DOCK5: variants seen among roughly 807,000 people sequenced by gnomAD.
DOCK5 encodes the protein dedicator of cytokinesis 5, also known as dedicator of cytokinesis protein 5.
Under a neutral mutation model 251.8 loss-of-function variants are expected in DOCK5, and 142 were observed. That is an observed-to-expected ratio of 0.56 (90% CI 0.49 to 0.65). The LOEUF is 0.65. Ranked by LOEUF, DOCK5 falls within the 30% of genes least tolerant of loss-of-function variation. DOCK5 has a pLI of 0.00. For missense variants in DOCK5, 2,111 were observed against 2,312.3 expected (o/e 0.91, Z 1.79); for synonymous variants, 842 against 835.5 (o/e 1.01, Z -0.13).
chr8:25,383,504 C>G (rs1441265682), intron 40 of DOCK5, among the ~76,000 whole-genome samples: 1 of 152,194 alleles, frequency 6.6e-6, no homozygotes, highest in Non-Finnish European at 1.5e-5. Flanking sequence ...TCCCTACTCT[C>G]ATGGATTTTA....
At chr8:25,323,418 A>G (rs1292796853) in intron 16 of DOCK5, among the ~76,000 whole-genome samples, 1 of 152,174 alleles carries the variant, frequency 6.6e-6, no homozygotes, top group Non-Finnish European at 1.5e-5. Context: ...AACATAGAGA[A>G]TGTGTTTGGT....
rs139621203 is a variant in DOCK5, at chr8:25,310,461, A to G, written c.1247A>G (p.Asn416Ser). The G allele has an allele frequency of 5.6e-6, 9 of 1,613,676 alleles. No individual in the cohort carries two copies. The African/African-American group carries it at 9.3e-5, about 17-fold the overall frequency. ...GGTGACCTCACCCAGGTTCAGAAGAATTTTTCACACTTGGTTGATAGATCA... is the reference window on the plus strand; with the variant it reads ...GGTGACCTCACCCAGGTTCAGAAGAGTTTTTCACACTTGGTTGATAGATCA... ...LPGDLTQVQK[N>S]FSHLVDRSTA... is the part of the protein sequence containing the mutation. The change falls in exon 13 of 52, where the codon AAT (asparagine) becomes AGT (serine). Residue 416 changes from asparagine to serine, a missense_variant. Transcript: ENST00000276440.
Position 25,380,252 on chromosome 8 carries a change from A to C in DOCK5, c.3937-53A>C, listed in dbSNP as rs552748512. The C allele has an allele frequency of 3.3e-6, 5 of 1,530,836 alleles. No homozygotes were observed. The East Asian group carries it at 1.2e-4, about 37-fold the overall frequency. 94.8% of individuals were successfully genotyped at this position (1,530,836 alleles called of 1,614,324 possible). On this transcript the variant is annotated intron_variant, in intron 38 of 51. Coordinates refer to ENST00000276440, the MANE Select transcript of DOCK5 (RefSeq NM_024940.8). ...GACTCGCCAGTGGCTTTTGCCACTG[A>C]ATCAATGACTGCCTTGTTCTCCACT...
At chr8:25,324,623 C>T in intron 17 of DOCK5, among the ~76,000 whole-genome samples, 1 of 152,194 alleles carries the variant, frequency 6.6e-6, no homozygotes, top group East Asian at 1.9e-4. Context: ...CTTCTTCCAT[C>T]AACCCAATAA....
intron 1 of DOCK5, among the ~76,000 whole-genome samples, chr8:25,213,128 T>G (rs1802143766): frequency 6.7e-6 from 1 of 150,170 alleles, no homozygotes; most frequent in African/African-American, 2.4e-5. Context: ...GATGGAAAGT[T>G]AAACCTTGGG....
chr8:25,302,727 C>A (rs1279122039), intron 10 of DOCK5, among the ~76,000 whole-genome samples: 1 of 152,182 alleles, frequency 6.6e-6, no homozygotes, highest in African/African-American at 2.4e-5. Context: ...TAATACTCGC[C>A]TTAAACAGGA....
chr8:25,332,466 G>A (rs568713278), intron 19 of DOCK5, 118 bp downstream of exon 19: 12 of 1,192,316 alleles, frequency 1.0e-5, no homozygotes, highest in East Asian at 7.7e-5. Context: ...TAAAATCTAC[G>A]TTGTTAAACA....
At chr8:25,210,038 G>A (rs6996039) in intron 1 of DOCK5, among the ~76,000 whole-genome samples, 5,468 of 8,170 alleles carry the variant, frequency 0.67, 1,943 homozygotes, top group Non-Finnish European at 0.72. Flanking sequence ...ATATATAAAT[G>A]TGTGTGTGTG....
chr8:25,408,938 T>G lies in DOCK5; in HGVS notation c.5402T>G (p.Leu1801Arg), dbSNP rs1273132181. The G allele has an allele frequency of 9.3e-6, 15 of 1,613,856 alleles. No individual in the cohort carries two copies. The highest frequency in any genetic ancestry group is 1.3e-5 in the Non-Finnish European group (15 of 1,179,880). ...PPLTPKATRT[L>R]SSPSLQTDGI... ...CTCACTCCCAAAGCCACCAGGACCCTAAGTAAGTTTTCCTGTATTCCTTAT... is the reference window on the plus strand; with the variant it reads ...CTCACTCCCAAAGCCACCAGGACCCGAAGTAAGTTTTCCTGTATTCCTTAT... The change falls in exon 50 of 52, where the codon CTA (leucine) becomes CGA (arginine). Residue 1801 changes from leucine to arginine, a missense_variant and splice_region_variant. This residue lies in a region of DOCK5 where 1,717 missense variants were observed against 1,892.4 expected (regional missense o/e 0.91). Transcript: ENST00000276440.
chr8:25,373,583 T>C (rs745600895), intron 35 of DOCK5, 35 bp from the exon 36 acceptor site: 4 of 1,560,970 alleles, frequency 2.6e-6, no homozygotes, highest in Non-Finnish European at 3.5e-6. Flanking sequence ...TCTTGATTTA[T>C]GTTGGGATTC....
intron 5 of DOCK5, among the ~76,000 whole-genome samples, chr8:25,283,627 T>G (rs576482274): frequency 0.017 from 1,334 of 76,622 alleles, 13 homozygotes; most frequent in African/African-American, 0.037. Flanking sequence ...GCATAGCTTC[T>G]CTCTTACCCG....
At position 25,368,565 on chromosome 8, in the gene DOCK5, T is replaced by C; in HGVS notation, c.3284-6T>C. The C allele has an allele frequency of 1.9e-6, 3 of 1,590,208 alleles. No homozygotes were observed. The highest frequency in any genetic ancestry group is 2.6e-6 in the Non-Finnish European group (3 of 1,169,302). On this transcript the variant is annotated splice_polypyrimidine_tract_variant and splice_region_variant and intron_variant, in intron 32 of 51. Coordinates refer to ENST00000276440, the MANE Select transcript of DOCK5 (RefSeq NM_024940.8). ...TTTTTAATATCTTCATTCACTTTCATTTCAGGTCCCCACAAAATCAAATTC... is the reference window on the plus strand; with the variant it reads ...TTTTTAATATCTTCATTCACTTTCACTTCAGGTCCCCACAAAATCAAATTC...
chr8:25,262,445 C>A (rs1237845438), intron 2 of DOCK5, among the ~76,000 whole-genome samples: 1 of 152,174 alleles, frequency 6.6e-6, no homozygotes, highest in Non-Finnish European at 1.5e-5. Flanking sequence ...CCATGCCACC[C>A]TGAGCACTTG....
chr8:25,334,276 C>T (rs149588371), intron 21 of DOCK5, 80 bp downstream of exon 21: 134 of 1,164,390 alleles, frequency 1.2e-4, no homozygotes, highest in South Asian at 2.5e-4. Flanking sequence ...AGAAACGAGA[C>T]GGACCTATTA....
At chr8:25,408,287 G>T in intron 49 of DOCK5, 133 bp downstream of exon 49, 1 of 963,386 alleles carries the variant, frequency 1.0e-6, no homozygotes, top group South Asian at 1.8e-5. Flanking sequence ...GCCTGGGTTA[G>T]TGTCAGGTCG....
chr8:25,299,231 T>A, intron 8 of DOCK5, 130 bp downstream of exon 8: 1 of 1,108,026 alleles, frequency 9.0e-7, no homozygotes, highest in Non-Finnish European at 1.3e-6. Flanking sequence ...TTCTAAGCAG[T>A]AGAATGTAAA....
chr8:25,311,877 G>A lies in DOCK5; in HGVS notation c.1318+1345G>A, dbSNP rs188256482. Among the ~76,000 whole-genome samples, 557 of 150,574 alleles carry A rather than the reference G, an allele frequency of 3.7e-3. 3 individuals are homozygous for A. The highest frequency in any genetic ancestry group is 0.014 in the Middle Eastern group (4 of 290). On this transcript the variant is annotated intron_variant, in intron 13 of 51. Transcript: ENST00000276440. The stretch of plus-strand genomic sequence containing the variant: ...GCAGAGGTTTCAGTGAGCTATGATC[G>A]CACCACTGCAACCCAGCCTGGGCAA...
chr8:25,335,678 A>G (rs1307914904), intron 21 of DOCK5, among the ~76,000 whole-genome samples: 2 of 152,250 alleles, frequency 1.3e-5, no homozygotes, highest in East Asian at 3.9e-4. Context: ...CTAGCCCAAA[A>G]ACTCTAGAAA....
At chr8:25,338,425 G>T (rs999513802) in intron 22 of DOCK5, among the ~76,000 whole-genome samples, 2 of 152,012 alleles carry the variant, frequency 1.3e-5, no homozygotes, top group African/African-American at 4.8e-5. Context: ...TTCAGCATTT[G>T]ATTTACATTT....
Sources: gnomAD v4.1 joint callset for allele counts (sites outside exome capture counted in the v4.1 genomes callset) on GRCh38, gnomAD v4.1.1 for gene constraint, gnomAD v4.1.1 regional missense constraint, MANE v1.5 for transcripts, NCBI Gene and HGNC (gene_info 2026-07-23, HGNC 2026-07-21) for gene names.